DRC11: variants seen among roughly 807,000 people sequenced by gnomAD.
DRC11 encodes the protein IQ and AAA domain-containing protein 1.
At chr2:236,506,850 A>G in the DRC11 span, among the ~76,000 whole-genome samples, 1 of 152,238 alleles carries the variant, frequency 6.6e-6, no homozygotes, top group African/African-American at 2.4e-5. This position sits in a 1 kb window ranked among gnomAD's most constrained non-coding sequence, Gnocchi z 4.9. Context: ...CTTTCCCAAG[A>G]TCTTTCTAGA....
At chr2:236,321,229 C>G in the DRC11 span, among the ~76,000 whole-genome samples, 1 of 151,940 alleles carries the variant, frequency 6.6e-6, no homozygotes, top group African/African-American at 2.4e-5. Flanking sequence ...GATGGAATAG[C>G]AAAAGGGTGG....
chr2:236,408,615 A>C, the DRC11 span: 1 of 725,214 alleles, frequency 1.4e-6, no homozygotes, highest in Non-Finnish European at 2.6e-6. The surrounding 1 kb of genome is among the most constrained non-coding windows in gnomAD (Gnocchi z 5.5). Context: ...GTGCTTCTTC[A>C]TGCTGCTGAA....
chr2:236,444,672 A>C, the DRC11 span, among the ~76,000 whole-genome samples: 1 of 152,182 alleles, frequency 6.6e-6, no homozygotes, highest in South Asian at 2.1e-4. Context: ...TCCCTGGACC[A>C]CTGAGCTGCC....
the DRC11 span, among the ~76,000 whole-genome samples, chr2:236,371,712 T>G: frequency 6.6e-6 from 1 of 152,210 alleles, no homozygotes; most frequent in Admixed American, 6.5e-5. This position sits in a 1 kb window ranked among gnomAD's most constrained non-coding sequence, Gnocchi z 5.1. Flanking sequence ...CTTAGCAGAT[T>G]CTTCAGGAAG....
chr2:236,350,219 G>T, the DRC11 span, among the ~76,000 whole-genome samples: 1 of 152,184 alleles, frequency 6.6e-6, no homozygotes, highest in African/African-American at 2.4e-5. The surrounding 1 kb of genome is among the most constrained non-coding windows in gnomAD (Gnocchi z 5.2). Flanking sequence ...TGACTGTGAA[G>T]TTAGCGATTG....
At chr2:236,481,244 T>G in the DRC11 span, among the ~76,000 whole-genome samples, 1 of 152,240 alleles carries the variant, frequency 6.6e-6, no homozygotes, top group African/African-American at 2.4e-5. Context: ...CAGATACTCA[T>G]GATGCTTCCT....
At chr2:236,459,528 TGTATAC>T in the DRC11 span, among the ~76,000 whole-genome samples, 174 of 95,956 alleles carry the variant, frequency 1.8e-3, no homozygotes, top group Non-Finnish European at 2.4e-3. Flanking sequence ...CATGTATACA[TGTATAC>T]GTATACGTAT....
the DRC11 span, chr2:236,419,346 G>C: frequency 6.7e-7 from 1 of 1,482,982 alleles, no homozygotes; most frequent in East Asian, 2.5e-5. The surrounding 1 kb of genome is among the most constrained non-coding windows in gnomAD (Gnocchi z 4.8). Context: ...CTGTCTGAAA[G>C]GAAGTTTTTG....
chr2:236,309,851 A>G, the DRC11 span, among the ~76,000 whole-genome samples: 2,235 of 152,210 alleles, frequency 0.015, 83 homozygotes, highest in East Asian at 0.13. The surrounding 1 kb of genome is among the most constrained non-coding windows in gnomAD (Gnocchi z 5.7). Flanking sequence ...TGGAGGACGG[A>G]GGGATGTTTC....
the DRC11 span, among the ~76,000 whole-genome samples, chr2:236,344,277 G>A: frequency 5.3e-5 from 8 of 152,212 alleles, no homozygotes; most frequent in Non-Finnish European, 1.0e-4. Flanking sequence ...ACTGAGCAGA[G>A]TTCTCTAAAT....
chr2:236,336,372 A>C, the DRC11 span, among the ~76,000 whole-genome samples: 1 of 152,090 alleles, frequency 6.6e-6, no homozygotes, highest in African/African-American at 2.4e-5. This position sits in a 1 kb window ranked among gnomAD's most constrained non-coding sequence, Gnocchi z 7.3. Context: ...AAGAACAGAA[A>C]CCAAGTCTGA....
chr2:236,465,381 G>A, the DRC11 span: 16 of 781,870 alleles, frequency 2.0e-5, no homozygotes, highest in African/African-American at 1.1e-4. The surrounding 1 kb of genome is among the most constrained non-coding windows in gnomAD (Gnocchi z 6.2). Flanking sequence ...GGCATTTCAC[G>A]TTTCTAAAAC....
chr2:236,387,166 A>C, the DRC11 span, among the ~76,000 whole-genome samples: 180 of 150,094 alleles, frequency 1.2e-3, 1 homozygote, highest in Non-Finnish European at 9.5e-4. Context: ...AGTTCTGTAG[A>C]TGTCTATTAG....
At chr2:236,479,462 AT>A in the DRC11 span, among the ~76,000 whole-genome samples, 2 of 152,060 alleles carry the variant, frequency 1.3e-5, no homozygotes, top group Non-Finnish European at 2.9e-5. The surrounding 1 kb of genome is among the most constrained non-coding windows in gnomAD (Gnocchi z 4.1). Context: ...CTCTGGCAAT[AT>A]ATTTTAATTA....
At chr2:236,459,103 G>C in the DRC11 span, among the ~76,000 whole-genome samples, 1 of 151,884 alleles carries the variant, frequency 6.6e-6, no homozygotes, top group Non-Finnish European at 1.5e-5. Context: ...AATTCAAAAA[G>C]CTTTAGCATC....
chr2:236,491,310 T>G, the DRC11 span, among the ~76,000 whole-genome samples: 4 of 141,984 alleles, frequency 2.8e-5, no homozygotes, highest in African/African-American at 1.1e-4. Context: ...AGGGGTCTTA[T>G]GAGACACCAA....
chr2:236,328,350 T>C, the DRC11 span, among the ~76,000 whole-genome samples: 1 of 152,226 alleles, frequency 6.6e-6, no homozygotes, highest in African/African-American at 2.4e-5. The surrounding 1 kb of genome is among the most constrained non-coding windows in gnomAD (Gnocchi z 6.7). Context: ...CTCGAGATTC[T>C]GGGACCATGG....
the DRC11 span, among the ~76,000 whole-genome samples, chr2:236,435,384 T>C: frequency 6.6e-6 from 1 of 152,252 alleles, no homozygotes. Flanking sequence ...GAAGTGTGAT[T>C]GGAACACAGC....
At chr2:236,425,150 C>T in the DRC11 span, among the ~76,000 whole-genome samples, 1 of 152,004 alleles carries the variant, frequency 6.6e-6, no homozygotes, top group African/African-American at 2.4e-5. Flanking sequence ...CTTTGACACA[C>T]TGATTTCATT....
Sources: gnomAD v4.1 joint callset for allele counts (sites outside exome capture counted in the v4.1 genomes callset) on GRCh38, gnomAD v4.1.1 for gene constraint, Gnocchi (gnomAD v3.1) non-coding constraint, MANE v1.5 for transcripts, NCBI Gene and HGNC (gene_info 2026-07-23, HGNC 2026-07-21) for gene names.